The following GRM7 variants were observed in gnomAD, a reference collection of about 807,000 sequenced individuals.
The protein encoded by GRM7 is glutamate metabotropic receptor 7.
A neutral mutation model predicts 84.5 loss-of-function variants in GRM7; 35 were observed. That is an observed-to-expected ratio of 0.41 (90% CI 0.32 to 0.55). The LOEUF (loss-of-function observed/expected upper bound fraction) is 0.55, where lower values mean the gene tolerates loss of function less well. GRM7 is among the 20% of genes least tolerant of loss of function. GRM7 has a pLI of 0.19. For synonymous variants in GRM7, 487 were observed against 455.1 expected, an observed-to-expected ratio of 1.07 and a Z score of -0.89; for missense variants, 1,003 against 1,194.6, an observed-to-expected ratio of 0.84 and a Z score of 2.36.
At chr3:7,431,061 T>A (rs1459387265) in intron 5 of GRM7, among the ~76,000 whole-genome samples, 2 of 152,056 alleles carry the variant, frequency 1.3e-5, no homozygotes, top group Non-Finnish European at 2.9e-5. Flanking sequence ...CTTGTTGCCG[T>A]GCTTGGCTCT....
intron 1 of GRM7, among the ~76,000 whole-genome samples, chr3:6,934,546 T>C (rs1697621214): frequency 6.6e-6 from 1 of 152,160 alleles, no homozygotes; most frequent in Non-Finnish European, 1.5e-5. Flanking sequence ...TGAGTGTATA[T>C]GAGTATTTGT....
chr3:7,650,771 G>A (rs965458999), intron 8 of GRM7, among the ~76,000 whole-genome samples: 1 of 152,192 alleles, frequency 6.6e-6, no homozygotes, highest in African/African-American at 2.4e-5. Flanking sequence ...AGGCTGGAGT[G>A]CAGTGGCACA....
chr3:7,626,189 C>T (rs184843261), intron 8 of GRM7, among the ~76,000 whole-genome samples: 38 of 152,228 alleles, frequency 2.5e-4, no homozygotes, highest in Middle Eastern at 3.4e-3. Context: ...CCTGAGCCCT[C>T]GTCCCTCCCC....
At chr3:7,336,374 G>T (rs1281942969) in intron 4 of GRM7, among the ~76,000 whole-genome samples, 1 of 151,830 alleles carries the variant, frequency 6.6e-6, no homozygotes, top group Non-Finnish European at 1.5e-5. Flanking sequence ...AGCAAAATTG[G>T]CATAGAAGGG....
intron 1 of GRM7, among the ~76,000 whole-genome samples, chr3:7,068,047 C>A (rs1485167231): frequency 6.6e-6 from 1 of 151,894 alleles, no homozygotes; most frequent in Admixed American, 6.6e-5. Flanking sequence ...TTAGATAATT[C>A]TTCGTGTATA....
rs114947285 is a variant in GRM7 at position 7,324,584 on chromosome 3, G to A, written c.1033+17932G>A. ...CGGGTCCCCTCAAGTGACCTAGTTC[G>A]TCTCTGTGTTTTCCTTTCTCACATA... On this transcript the variant is annotated intron_variant, in intron 4 of 9. Transcript: ENST00000357716. Among the ~76,000 whole-genome samples the A allele has an allele frequency of 8.3e-4, 127 of 152,248 alleles. 1 individual carries two copies. Among genetic ancestry groups the A allele is most frequent in the Middle Eastern group, 3.4e-3 (1 of 294 alleles).
chr3:7,490,693 A>G (rs1014067076), intron 7 of GRM7, among the ~76,000 whole-genome samples: 2 of 152,186 alleles, frequency 1.3e-5, no homozygotes, highest in Non-Finnish European at 2.9e-5. Flanking sequence ...GACGATCTAT[A>G]TTTGTTTATA....
At position 7,667,280 on chromosome 3, in the gene GRM7, A is replaced by AAGAG. The variant is rs747820741; in HGVS notation, c.2452-12753_2452-12750dup. Reference sequence around the variant, plus strand: ...GAGACCCTGTCTGTTAAAAAAAAAAAAGAGAGAGAGAGAGAGAGAAAAGAT... The same window carrying AAGAG: ...GAGACCCTGTCTGTTAAAAAAAAAAAAGAGAGAGAGAGAGAGAGAGAGAAAAGAT... On this transcript the variant is annotated intron_variant, in intron 8 of 9. Coordinates refer to ENST00000357716, the MANE Select transcript of GRM7 (RefSeq NM_000844.4). Among the ~76,000 whole-genome samples the AAGAG allele has an allele frequency of 6.0e-5, 9 of 148,906 alleles. No individual in the cohort carries two copies. The East Asian group carries it at 1.8e-3, about 29-fold the overall frequency.
chr3:7,611,203 C>A (rs191795659), intron 8 of GRM7, among the ~76,000 whole-genome samples: 1 of 152,020 alleles, frequency 6.6e-6, no homozygotes, highest in Non-Finnish European at 1.5e-5. Flanking sequence ...TGGATTATTG[C>A]GAAAGATTTA....
At chr3:7,283,572 G>T (rs187669757) in intron 2 of GRM7, among the ~76,000 whole-genome samples, 1 of 152,070 alleles carries the variant, frequency 6.6e-6, no homozygotes. Context: ...AAGATTTTCC[G>T]TTCAATGTAA....
rs372500135 is a variant in GRM7, at chr3:7,119,844, CT to C, written c.520-26607del. Among the ~76,000 whole-genome samples, 751 of 152,220 alleles carry C rather than the reference CT, an allele frequency of 4.9e-3. 7 individuals carry two copies. The highest frequency in any genetic ancestry group is 0.017 in the African/African-American group (713 of 41,550). ...TCAATATCTTAGAAGATGACTTCAG[CT>C]CATATTTTAAAATTATGGGCGCTTC... is the stretch of plus-strand genomic sequence containing the variant. On this transcript the variant is annotated intron_variant, in intron 1 of 9. Transcript: ENST00000357716.
At chr3:7,169,079 C>T (rs1006624164) in intron 2 of GRM7, among the ~76,000 whole-genome samples, 2 of 152,164 alleles carry the variant, frequency 1.3e-5, no homozygotes, top group Non-Finnish European at 2.9e-5. Flanking sequence ...TCACCTGACC[C>T]AATCTATGTG....
chr3:7,225,973 T>C (rs1400387268), intron 2 of GRM7, among the ~76,000 whole-genome samples: 1 of 152,220 alleles, frequency 6.6e-6, no homozygotes, highest in Non-Finnish European at 1.5e-5. Context: ...CATGATTTTC[T>C]GTGAAATAAA....
intron 8 of GRM7, among the ~76,000 whole-genome samples, chr3:7,581,965 CT>C (rs1695278651): frequency 6.6e-6 from 1 of 152,052 alleles, no homozygotes; most frequent in African/African-American, 2.4e-5. Context: ...AATCCCATGA[CT>C]TCTAGAATGA....
At chr3:7,485,888 G>A (rs1466430378) in intron 7 of GRM7, among the ~76,000 whole-genome samples, 1 of 152,204 alleles carries the variant, frequency 6.6e-6, no homozygotes, top group African/African-American at 2.4e-5. Context: ...AAGCTGAAAA[G>A]TTGAAGTACT....
intron 1 of GRM7, among the ~76,000 whole-genome samples, chr3:7,075,738 C>T (rs1339211817): frequency 1.3e-5 from 2 of 152,042 alleles, no homozygotes; most frequent in African/African-American, 4.8e-5. Flanking sequence ...GTTGGCCAGG[C>T]TGGTTTCGAA....
At chr3:7,015,941 G>A (rs542190662) in intron 1 of GRM7, among the ~76,000 whole-genome samples, 2 of 152,286 alleles carry the variant, frequency 1.3e-5, no homozygotes, top group Admixed American at 1.3e-4. Context: ...CTCAATGGGA[G>A]GGTAATCAGG....
chr3:7,570,648 G>C (rs1272736337), intron 7 of GRM7, among the ~76,000 whole-genome samples: 1 of 152,234 alleles, frequency 6.6e-6, no homozygotes, highest in African/African-American at 2.4e-5. Flanking sequence ...TTGAGGGTCT[G>C]TGGCTTTTCC....
chr3:7,298,063 T>G (rs1263145252), intron 2 of GRM7, among the ~76,000 whole-genome samples: 1 of 152,218 alleles, frequency 6.6e-6, no homozygotes, highest in Admixed American at 6.5e-5. Flanking sequence ...CTTTATAAGA[T>G]TTTTGAGAAG....
Sources: gnomAD v4.1 joint callset for allele counts (sites outside exome capture counted in the v4.1 genomes callset) on GRCh38, gnomAD v4.1.1 for gene constraint, MANE v1.5 for transcripts, NCBI Gene and HGNC (gene_info 2026-07-23, HGNC 2026-07-21) for gene names.